GRIK2: variants seen among roughly 807,000 people sequenced by gnomAD.
GRIK2 encodes the protein glutamate ionotropic receptor kainate type subunit 2.
Under a neutral mutation model 100.3 loss-of-function variants are expected in GRIK2, and 32 were observed. The ratio of observed to expected loss-of-function variants is 0.32; its 90% CI spans 0.24 to 0.43. GRIK2 has a LOEUF of 0.43. Ranked by LOEUF, GRIK2 falls within the 20% of genes least tolerant of loss-of-function variation. The pLI, the probability that GRIK2 is intolerant of heterozygous loss-of-function variation, is 1.00. For missense variants in GRIK2, 843 were observed against 1,114.9 expected (o/e 0.76, Z 3.47); for synonymous variants, 417 against 389.4 (o/e 1.07, Z -0.83).
intron 15 of GRIK2, among the ~76,000 whole-genome samples, chr6:102,037,163 G>A (rs1272731307): frequency 1.3e-5 from 2 of 151,176 alleles, no homozygotes; most frequent in African/African-American, 2.4e-5. Flanking sequence ...TTGCATTTAT[G>A]TAGTAGAGTC....
intron 12 of GRIK2, among the ~76,000 whole-genome samples, chr6:101,902,592 C>G (rs1450604878): frequency 3.3e-5 from 5 of 151,854 alleles, no homozygotes; most frequent in Admixed American, 3.3e-4. Flanking sequence ...ACCAGGAAGA[C>G]TTTAGCTATA....
At chr6:102,000,276 CTTT>C (rs34370144) in intron 14 of GRIK2, among the ~76,000 whole-genome samples, 19 of 113,566 alleles carry the variant, frequency 1.7e-4, no homozygotes, top group Non-Finnish European at 2.0e-4. Flanking sequence ...TTGTTGAAGG[CTTT>C]TTTTTTTTTT....
intron 4 of GRIK2, among the ~76,000 whole-genome samples, chr6:101,652,292 C>CT (rs1275124139): frequency 1.3e-5 from 2 of 152,080 alleles, no homozygotes; most frequent in African/African-American, 4.8e-5. Context: ...AATTAGTGTC[C>CT]TTACCATAAG....
intron 2 of GRIK2, among the ~76,000 whole-genome samples, chr6:101,482,023 T>C (rs904816882): frequency 5.9e-5 from 9 of 152,176 alleles, no homozygotes; most frequent in African/African-American, 1.9e-4. Flanking sequence ...TCCTGAGGTG[T>C]CCCCAGCTAT....
At chr6:101,429,761 T>C (rs1417952832) in intron 2 of GRIK2, among the ~76,000 whole-genome samples, 1 of 152,182 alleles carries the variant, frequency 6.6e-6, no homozygotes, top group Non-Finnish European at 1.5e-5. Context: ...TGGGGCCTAA[T>C]GTTCTCACAT....
intron 1 of GRIK2, chr6:101,398,674 A>C: frequency 4.8e-6 from 1 of 209,832 alleles, no homozygotes; most frequent in Non-Finnish European, 9.4e-6. Context: ...CATGGAAAAT[A>C]AAAGCAATGT....
chr6:101,645,601 T>C (rs79738638), intron 4 of GRIK2, among the ~76,000 whole-genome samples: 1 of 152,102 alleles, frequency 6.6e-6, no homozygotes, highest in African/African-American at 2.4e-5. Flanking sequence ...AACTAAAGCA[T>C]AATGTAATAA....
intron 14 of GRIK2, among the ~76,000 whole-genome samples, chr6:101,951,943 T>C (rs1200037934): frequency 1.3e-5 from 2 of 152,308 alleles, no homozygotes; most frequent in Non-Finnish European, 2.9e-5. Context: ...CAATGTAATA[T>C]CATGAAAAGC....
intron 11 of GRIK2, among the ~76,000 whole-genome samples, chr6:101,876,775 TG>T: frequency 6.6e-6 from 1 of 152,088 alleles, no homozygotes; most frequent in South Asian, 2.1e-4. Flanking sequence ...AGCATCCTTC[TG>T]TTCTCAAATC....
intron 7 of GRIK2, among the ~76,000 whole-genome samples, chr6:101,726,070 C>T (rs944003265): frequency 2.6e-5 from 4 of 151,642 alleles, no homozygotes; most frequent in Non-Finnish European, 4.4e-5. Flanking sequence ...CTTTTAAAAC[C>T]TCATAAAGAT....
At chr6:101,453,060 T>C (rs1475916) in intron 2 of GRIK2, among the ~76,000 whole-genome samples, 146,528 of 151,932 alleles carry the variant, frequency 0.96, 70,695 homozygotes, top group African/African-American at 0.99. Flanking sequence ...AAATGATGTA[T>C]TGACTCTCTA....
intron 11 of GRIK2, among the ~76,000 whole-genome samples, chr6:101,881,388 C>T (rs569902128): frequency 3.3e-5 from 5 of 151,666 alleles, no homozygotes; most frequent in Non-Finnish European, 1.5e-5. Flanking sequence ...ATAGCTAAAT[C>T]AGAAACAGAA....
intron 2 of GRIK2, among the ~76,000 whole-genome samples, chr6:101,561,908 A>G (rs1777038989): frequency 6.6e-6 from 1 of 152,218 alleles, no homozygotes; most frequent in African/African-American, 2.4e-5. Context: ...GATATTAAAA[A>G]TCAGAGAACA....
chr6:101,446,804 C>T lies in GRIK2; in HGVS notation c.115+47412C>T, dbSNP rs967769502. Among the ~76,000 whole-genome samples, 6 of 13,572 alleles carry T rather than the reference C, an allele frequency of 4.4e-4. No individual in the cohort carries two copies. In the East Asian group the frequency reaches 0.023, roughly 51 times the overall value. 8.9% of individuals were successfully genotyped at this position (13,572 alleles called of 152,430 possible). A position where few individuals can be genotyped will look rare whatever the true frequency, so the allele number is the denominator to read the frequency against. On this transcript the variant is annotated intron_variant, in intron 2 of 16. Transcript: ENST00000369134. ...AAACACTCTATACACATGGCTTTGT[C>T]GTATTTTTTTTTGTGAGAGAATTTA...
intron 4 of GRIK2, among the ~76,000 whole-genome samples, chr6:101,642,901 A>T (rs1259471624): frequency 5.3e-5 from 8 of 151,670 alleles, no homozygotes; most frequent in Admixed American, 6.6e-5. Context: ...ATATATATAT[A>T]TTTTAATTGT....
At chr6:101,672,574 T>G (rs909146669) in intron 4 of GRIK2, among the ~76,000 whole-genome samples, 7 of 104,288 alleles carry the variant, frequency 6.7e-5, no homozygotes, top group African/African-American at 1.8e-4. Context: ...TTTTTATGTG[T>G]TTTTTTTTCC....
chr6:101,456,157 G>A (rs1216266411), intron 2 of GRIK2, among the ~76,000 whole-genome samples: 1 of 151,308 alleles, frequency 6.6e-6, no homozygotes, highest in South Asian at 2.1e-4. Context: ...ATGCTGAAAG[G>A]CATATGTGCA....
rs1436018199 is a variant in GRIK2, at chr6:101,672,449, T to C, written c.542-4174T>C. On this transcript the variant is annotated intron_variant, in intron 4 of 16. Transcript: ENST00000369134. Reference sequence around the variant, plus strand: ...AAGTGATCTCAATCATCTTTTCTTATAAATATCTCAGTATTCCATCCACAT... The same window carrying C: ...AAGTGATCTCAATCATCTTTTCTTACAAATATCTCAGTATTCCATCCACAT... Among the ~76,000 whole-genome samples the C allele has an allele frequency of 3.3e-5, 5 of 152,212 alleles. No homozygotes were observed. The South Asian group carries it at 1.0e-3, about 32-fold the overall frequency.
intron 2 of GRIK2, among the ~76,000 whole-genome samples, chr6:101,613,762 GAAAA>G (rs77889004): frequency 4.7e-5 from 5 of 107,292 alleles, no homozygotes; most frequent in African/African-American, 1.4e-4. Flanking sequence ...GCTGTGTTCA[GAAAA>G]AAAAAAAAAA....
Sources: allele counts gnomAD v4.1 joint callset (sites outside exome capture counted in the v4.1 genomes callset), GRCh38; gene constraint gnomAD v4.1.1; transcripts MANE v1.5; gene names NCBI Gene and HGNC (gene_info 2026-07-23, HGNC 2026-07-21).